The following PIK3CA variants were observed in gnomAD, a reference collection of about 807,000 sequenced individuals.
PIK3CA encodes the protein phosphatidylinositol 4,5-bisphosphate 3-kinase catalytic subunit alpha isoform.
In PIK3CA, 27 loss-of-function variants were observed where a neutral mutation model predicts 138.2. That is an observed-to-expected ratio of 0.20 (90% CI 0.14 to 0.27). PIK3CA has a LOEUF of 0.27. Among genes scored for constraint, PIK3CA ranks in the 10% least tolerant of loss-of-function variants. The pLI, the probability that PIK3CA is intolerant of heterozygous loss-of-function variation, is 1.00. For synonymous variants in PIK3CA, 358 were observed against 413.2 expected (o/e 0.87, Z 1.62); for missense variants, 544 against 1,277.4 (o/e 0.43, Z 8.75).
At chr3:179,214,971 A>G (rs1724804620) in intron 9 of PIK3CA, among the ~76,000 whole-genome samples, 1 of 152,192 alleles carries the variant, frequency 6.6e-6, no homozygotes, top group South Asian at 2.1e-4. Flanking sequence ...AAAGATGTCA[A>G]TGCCACGAGA....
intron 17 of PIK3CA, among the ~76,000 whole-genome samples, chr3:179,227,473 T>A (rs1013914495): frequency 1.3e-5 from 2 of 152,004 alleles, no homozygotes; most frequent in African/African-American, 4.8e-5. Flanking sequence ...AGAGAAGTCA[T>A]CAAAGGAAGT....
At chr3:179,224,291 T>C (rs1725033088) in intron 15 of PIK3CA, 104 bp downstream of exon 15, 1 of 594,084 alleles carries the variant, frequency 1.7e-6, no homozygotes, top group African/African-American at 1.9e-5. Flanking sequence ...GTTCAATAAT[T>C]TATGCTTCTC....
chr3:179,158,253 T>A (rs1371695100), intron 1 of PIK3CA, among the ~76,000 whole-genome samples: 1 of 152,146 alleles, frequency 6.6e-6, no homozygotes, highest in Non-Finnish European at 1.5e-5. Flanking sequence ...CTGAATGCTA[T>A]TTCATACCTA....
chr3:179,224,900 A>G (rs1460626823), intron 16 of PIK3CA, 79 bp downstream of exon 16: 2 of 994,178 alleles, frequency 2.0e-6, no homozygotes, highest in African/African-American at 3.2e-5. Context: ...GAACCATGAA[A>G]ACTACTGAAA....
At chr3:179,174,589 A>G (rs1410861191) in intron 1 of PIK3CA, among the ~76,000 whole-genome samples, 1 of 152,066 alleles carries the variant, frequency 6.6e-6, no homozygotes, top group Non-Finnish European at 1.5e-5. Context: ...TTAAGCTACT[A>G]CTTCTGGTAT....
Position 179,148,379 on chromosome 3 carries a change from CCGCTGAGGT to C in PIK3CA, c.-300_-292del, listed in dbSNP as rs1722908144. 1 of 151,506 alleles carries C rather than the reference CCGCTGAGGT, an allele frequency of 6.6e-6. No individual in the cohort carries two copies. Among genetic ancestry groups the C allele is most frequent in the Non-Finnish European group, 1.5e-5 (1 of 67,722 alleles). 9.4% of individuals were successfully genotyped at this position (151,506 alleles called of 1,614,324 possible). The stretch of plus-strand genomic sequence containing the variant: ...GGCAGTTCCGGTGCCGCCGCTGCGG[CCGCTGAGGT>C]GTCGGGCTGCTGCTGCCGCGGCCGC... On this transcript the variant is annotated 5_prime_UTR_variant, in exon 1 of 21. Transcript: ENST00000263967.
chr3:179,169,567 A>G (rs999073783), intron 1 of PIK3CA, among the ~76,000 whole-genome samples: 1 of 152,172 alleles, frequency 6.6e-6, no homozygotes, highest in Admixed American at 6.5e-5. Flanking sequence ...CGTCTATTAA[A>G]TAATCTGTCC....
intron 4 of PIK3CA, 148 bp from the exon 5 acceptor site, chr3:179,203,396 A>G: frequency 1.7e-6 from 1 of 579,574 alleles, no homozygotes; most frequent in Non-Finnish European, 2.8e-6. Flanking sequence ...AGTATTTTAA[A>G]TGTTATAGGA....
rs1483475418 is a variant in PIK3CA, at chr3:179,237,667, G to T, written c.*3303G>T. On this transcript the variant is annotated 3_prime_UTR_variant, in exon 21 of 21. Coordinates refer to ENST00000263967, the MANE Select transcript of PIK3CA (RefSeq NM_006218.4). ...AGTGATTTGGAATTATAAAAAAATT[G>T]TGAGCAGCCTATTTGAAAGGCATCA... 1 of 209,170 alleles carries T rather than the reference G, an allele frequency of 4.8e-6. No individual in the cohort carries two copies. Among genetic ancestry groups the T allele is most frequent in the Non-Finnish European group, 9.7e-6 (1 of 102,850 alleles). The allele number at this position is 209,170 out of a possible 1,614,324, so 13.0% of individuals were successfully genotyped here.
intron 1 of PIK3CA, among the ~76,000 whole-genome samples, chr3:179,184,910 T>C (rs1340605481): frequency 1.3e-5 from 2 of 152,214 alleles, no homozygotes; most frequent in African/African-American, 4.8e-5. Flanking sequence ...CAAGTTTTAA[T>C]TTATCTAAAT....
intron 4 of PIK3CA, among the ~76,000 whole-genome samples, chr3:179,202,153 C>T (rs149380576): frequency 7.0e-4 from 106 of 152,280 alleles, no homozygotes; most frequent in Middle Eastern, 3.4e-3. Context: ...CAGCATCAGC[C>T]TCCCAGGCTC....
chr3:179,209,647 G>A lies in PIK3CA; in HGVS notation c.1198G>A (p.Ala400Thr), dbSNP rs2108399270. The change falls in exon 7 of 21, where the codon GCT (alanine) becomes ACT (threonine). Residue 400 changes from alanine to threonine, a missense_variant. Ala to Thr is a moderately conservative substitution (Grantham distance 58). Transcript: ENST00000263967. ...ATACATTCCTGATCTTCCTCGTGCT[G>A]CTCGACTTTGCCTTTCCATTTGCTC... is the stretch of plus-strand genomic sequence containing the variant. ...DIYIPDLPRAARLCLSICSVK... is the reference protein window; with the variant it reads ...DIYIPDLPRATRLCLSICSVK... 1.9e-6 allele frequency: 3 copies of A among 1,612,416 alleles called. No homozygotes were observed. Among genetic ancestry groups the A allele is most frequent in the Non-Finnish European group, 2.5e-6 (3 of 1,178,948 alleles).
intron 4 of PIK3CA, among the ~76,000 whole-genome samples, chr3:179,202,460 T>C (rs1724440818): frequency 1.3e-5 from 2 of 152,230 alleles, no homozygotes; most frequent in Non-Finnish European, 2.9e-5. Flanking sequence ...TGTTAAGATA[T>C]ACTATTGATA....
chr3:179,186,976 C>T (rs74603313), intron 1 of PIK3CA, among the ~76,000 whole-genome samples: 1 of 151,960 alleles, frequency 6.6e-6, no homozygotes, highest in Non-Finnish European at 1.5e-5. Context: ...ACTTAAATAC[C>T]TTAGGATTGT....
At chr3:179,177,627 A>G (rs1345624108) in intron 1 of PIK3CA, among the ~76,000 whole-genome samples, 2 of 152,144 alleles carry the variant, frequency 1.3e-5, no homozygotes, top group African/African-American at 2.4e-5. Context: ...GTTTTTCTTT[A>G]TCTGAACAAT....
intron 1 of PIK3CA, among the ~76,000 whole-genome samples, chr3:179,170,231 ACAAT>A (rs1303844141): frequency 2.0e-5 from 3 of 152,240 alleles, no homozygotes; most frequent in African/African-American, 4.8e-5. Context: ...AATTCAAGAA[ACAAT>A]CAATAGCTAT....
chr3:179,164,244 G>T (rs1449449646), intron 1 of PIK3CA, among the ~76,000 whole-genome samples: 2 of 152,114 alleles, frequency 1.3e-5, no homozygotes, highest in Non-Finnish European at 2.9e-5. Context: ...TGGTGTCTTA[G>T]GTACGTTTTC....
rs1724679819 is a variant in PIK3CA at position 179,210,446 on chromosome 3, G to A, written c.1420G>A (p.Glu474Lys). Residue 474 changes from glutamate (E) to lysine (K), a missense_variant, in exon 9 of 21, where the codon GAG (glutamate) becomes AAG (lysine). Coordinates refer to ENST00000263967, the MANE Select transcript of PIK3CA (RefSeq NM_006218.4). ...CATCTCTTAGGAAACTCCATGCTTAGAGTTGGAGTTTGACTGGTTCAGCAG... is the reference window on the plus strand; with the variant it reads ...CATCTCTTAGGAAACTCCATGCTTAAAGTTGGAGTTTGACTGGTTCAGCAG... ...SNPNKETPCLELEFDWFSSVV... is the reference protein window; with the variant it reads ...SNPNKETPCLKLEFDWFSSVV... The A allele has an allele frequency of 6.2e-7, 1 of 1,613,496 alleles. No individual in the cohort carries two copies. Among genetic ancestry groups the A allele is most frequent in the Non-Finnish European group, 8.5e-7 (1 of 1,179,808 alleles).
chr3:179,196,582 C>A (rs1474589279), intron 1 of PIK3CA, among the ~76,000 whole-genome samples: 5 of 152,080 alleles, frequency 3.3e-5, no homozygotes, highest in Non-Finnish European at 7.4e-5. Context: ...TTCTTATATT[C>A]TTCATTGTTT....
Sources: allele counts gnomAD v4.1 joint callset (sites outside exome capture counted in the v4.1 genomes callset), GRCh38; gene constraint gnomAD v4.1.1; transcripts MANE v1.5; gene names NCBI Gene and HGNC (gene_info 2026-07-23, HGNC 2026-07-21).